The following DPP10 variants were observed in gnomAD, a reference collection of about 807,000 sequenced individuals.
DPP10 encodes dipeptidyl peptidase like 10.
Under a neutral mutation model 120.9 loss-of-function variants are expected in DPP10, and 33 were observed. That is an observed-to-expected ratio of 0.27 (90% CI 0.21 to 0.37). DPP10 has a LOEUF of 0.37. DPP10 is among the 10% of genes least tolerant of loss of function. The probability of loss-of-function intolerance (pLI) is 1.00; values close to 1 mark genes in which losing one functional copy is unlikely to be tolerated. For missense variants in DPP10, 816 were observed against 942.8 expected (o/e 0.87, Z 1.76); for synonymous variants, 337 against 326.1 (o/e 1.03, Z -0.36).
At chr2:115,800,363 A>C (rs1218721179) in intron 19 of DPP10, among the ~76,000 whole-genome samples, 1 of 151,992 alleles carries the variant, frequency 6.6e-6, no homozygotes, top group Non-Finnish European at 1.5e-5. Flanking sequence ...AGGTTGCAAA[A>C]ATTTTCTCCC....
rs913845686 is a variant in DPP10 at position 115,344,085 on chromosome 2, G to A, written c.271+173G>A. On this transcript the variant is annotated intron_variant, in intron 3 of 25. Transcript: ENST00000410059. ...TGGGAGGCGGACGTCGCAGTGAGCC[G>A]AGATCGCACCACTGCACTCCAACCT... Among the ~76,000 whole-genome samples, 8 of 141,754 alleles carry A rather than the reference G, an allele frequency of 5.6e-5. No homozygotes were observed. The East Asian group carries it at 1.5e-3, about 26-fold the overall frequency. 93.0% of individuals were successfully genotyped at this position (141,754 alleles called of 152,430 possible). A position where few individuals can be genotyped will look rare whatever the true frequency, so the allele number is the denominator to read the frequency against.
intron 2 of DPP10, among the ~76,000 whole-genome samples, chr2:115,316,574 A>G (rs2061803840): frequency 6.6e-6 from 1 of 152,156 alleles, no homozygotes; most frequent in Non-Finnish European, 1.5e-5. Flanking sequence ...TAAATTCTGT[A>G]TGTATTTTTA....
chr2:115,551,391 C>G (rs1288572981), intron 5 of DPP10, among the ~76,000 whole-genome samples: 2 of 152,098 alleles, frequency 1.3e-5, no homozygotes, highest in African/African-American at 4.8e-5. Context: ...AGTTAAGGCT[C>G]TGGGTGTGGC....
chr2:114,616,690 T>A (rs1693703025), intron 1 of DPP10, among the ~76,000 whole-genome samples: 1 of 152,102 alleles, frequency 6.6e-6, no homozygotes, highest in South Asian at 2.1e-4. Context: ...AATTATTGAC[T>A]AAGGAAGTGG....
chr2:115,693,083 G>T (rs371387282), intron 7 of DPP10, among the ~76,000 whole-genome samples: 1 of 152,126 alleles, frequency 6.6e-6, no homozygotes, highest in Non-Finnish European at 1.5e-5. Flanking sequence ...AATGAAAAAT[G>T]TCTGCAATTG....
At chr2:114,661,238 C>G (rs1272131718) in intron 1 of DPP10, among the ~76,000 whole-genome samples, 1 of 152,126 alleles carries the variant, frequency 6.6e-6, no homozygotes, top group African/African-American at 2.4e-5. Flanking sequence ...AGTGAGTCCC[C>G]CAAAGGTTTA....
At chr2:114,605,291 C>A (rs1207683104) in intron 1 of DPP10, among the ~76,000 whole-genome samples, 2 of 152,026 alleles carry the variant, frequency 1.3e-5, no homozygotes, top group African/African-American at 2.4e-5. Flanking sequence ...CTGCATGGGT[C>A]CACCTATACG....
intron 1 of DPP10, among the ~76,000 whole-genome samples, chr2:114,831,022 A>ATTTTTTTTTTTTTTTTT (rs70941010): frequency 4.4e-5 from 2 of 45,924 alleles, no homozygotes; most frequent in African/African-American, 1.7e-4. Flanking sequence ...CCATGCAAAG[A>ATTTTTTTTTTTTTTTTT]TTTTTTTTTT....
intron 1 of DPP10, among the ~76,000 whole-genome samples, chr2:114,927,493 C>CTGAG (rs2104473618): frequency 6.6e-6 from 1 of 152,062 alleles, no homozygotes; most frequent in East Asian, 2.0e-4. Context: ...CCTCCCCACC[C>CTGAG]TGAGGGACTT....
chr2:114,717,460 G>A (rs985079526), intron 1 of DPP10, among the ~76,000 whole-genome samples: 2 of 152,068 alleles, frequency 1.3e-5, no homozygotes, highest in African/African-American at 4.8e-5. Flanking sequence ...TACCAACTAG[G>A]AAATGAAGAG....
intron 1 of DPP10, among the ~76,000 whole-genome samples, chr2:115,007,683 G>A (rs1482876146): frequency 6.6e-6 from 1 of 151,778 alleles, no homozygotes; most frequent in Non-Finnish European, 1.5e-5. Context: ...AAACCCCATT[G>A]TCTCAGCCCG....
chr2:115,230,635 A>C (rs13032365), intron 1 of DPP10, among the ~76,000 whole-genome samples: 1 of 152,102 alleles, frequency 6.6e-6, no homozygotes, highest in African/African-American at 2.4e-5. Context: ...AATTGTAATA[A>C]GTATTGCATT....
intron 19 of DPP10, among the ~76,000 whole-genome samples, chr2:115,794,335 C>G (rs17044982): frequency 6.6e-6 from 1 of 152,150 alleles, no homozygotes; most frequent in African/African-American, 2.4e-5. Flanking sequence ...GAAAGAAAGA[C>G]TGCCCTGGAA....
At chr2:114,508,574 C>G (rs1239637947) in intron 1 of DPP10, among the ~76,000 whole-genome samples, 1 of 152,154 alleles carries the variant, frequency 6.6e-6, no homozygotes, top group East Asian at 1.9e-4. Context: ...TTCGTGTGAA[C>G]TTACTCTCCT....
At chr2:115,111,958 GT>G (rs1427258332) in intron 1 of DPP10, among the ~76,000 whole-genome samples, 2 of 152,180 alleles carry the variant, frequency 1.3e-5, no homozygotes, top group Non-Finnish European at 2.9e-5. Flanking sequence ...TGGTGTACAT[GT>G]TTTACTTTTT....
At chr2:115,730,999 C>T (rs1424785477) in intron 8 of DPP10, among the ~76,000 whole-genome samples, 1 of 152,002 alleles carries the variant, frequency 6.6e-6, no homozygotes, top group Non-Finnish European at 1.5e-5. Flanking sequence ...GCGAGGTGGG[C>T]AGATCACTTG....
chr2:114,871,619 T>C (rs1690695654), intron 1 of DPP10, among the ~76,000 whole-genome samples: 1 of 152,230 alleles, frequency 6.6e-6, no homozygotes, highest in South Asian at 2.1e-4. Context: ...TAAGTACTTA[T>C]TTTTATTTTT....
At chr2:114,817,321 C>T (rs1372787736) in intron 1 of DPP10, among the ~76,000 whole-genome samples, 1 of 149,166 alleles carries the variant, frequency 6.7e-6, no homozygotes, top group Non-Finnish European at 1.5e-5. Context: ...AAAAAAGGCT[C>T]ACATGAAAGG....
At chr2:115,824,390 G>T (rs1247131060) in intron 21 of DPP10, among the ~76,000 whole-genome samples, 1 of 152,050 alleles carries the variant, frequency 6.6e-6, no homozygotes, top group Admixed American at 6.6e-5. Flanking sequence ...TGCCATGGTG[G>T]TTTGCTGCAC....
Sources: allele counts gnomAD v4.1 joint callset (sites outside exome capture counted in the v4.1 genomes callset), GRCh38; gene constraint gnomAD v4.1.1; transcripts MANE v1.5; gene names NCBI Gene and HGNC (gene_info 2026-07-23, HGNC 2026-07-21).